ADD1: variants seen among roughly 807,000 people sequenced by gnomAD.
ADD1 encodes the protein alpha-adducin.
A neutral mutation model predicts 80.5 loss-of-function variants in ADD1; 24 were observed. The ratio of observed to expected loss-of-function variants is 0.30; its 90% CI spans 0.22 to 0.42. The LOEUF (loss-of-function observed/expected upper bound fraction) is 0.42. ADD1 is among the 10% of genes least tolerant of loss of function. The pLI is 1.00. For missense variants in ADD1, 948 were observed against 1,019.0 expected (o/e 0.93, Z 0.95); for synonymous variants, 373 against 393.8 (o/e 0.95, Z 0.63).
intron 13 of ADD1, among the ~76,000 whole-genome samples, chr4:2,914,378 G>A (rs1738620899): frequency 6.6e-6 from 1 of 152,216 alleles, no homozygotes. Context: ...TTTGGGATAA[G>A]CTCCAGGAAC....
intron 14 of ADD1, among the ~76,000 whole-genome samples, chr4:2,922,748 C>A (rs1051940512): frequency 6.6e-6 from 1 of 152,216 alleles, no homozygotes; most frequent in Admixed American, 6.5e-5. Flanking sequence ...GCCAACCCTT[C>A]CCCCAGGTGC....
At chr4:2,864,037 T>G (rs1729187301) in intron 1 of ADD1, among the ~76,000 whole-genome samples, 1 of 152,200 alleles carries the variant, frequency 6.6e-6, no homozygotes, top group South Asian at 2.1e-4. Flanking sequence ...GTCTCTACCT[T>G]AGGGTAAGAC....
At chr4:2,898,646 C>T (rs762765493) in intron 8 of ADD1, 115 bp downstream of exon 8, 1 of 896,374 alleles carries the variant, frequency 1.1e-6, no homozygotes, top group Non-Finnish European at 1.8e-6. Flanking sequence ...AATCTCTTTG[C>T]CAAAGATAAG....
At position 2,849,392 on chromosome 4, in the gene ADD1, C is replaced by T. The variant is rs571207060; in HGVS notation, c.-21+5368C>T. ...ATACTGTTATCTGTATTAGAACAGACGAGCTCTGCATCTAGGCCTTGGGCC... is the reference window on the plus strand; with the variant it reads ...ATACTGTTATCTGTATTAGAACAGATGAGCTCTGCATCTAGGCCTTGGGCC... On this transcript the variant is annotated intron_variant, in intron 1 of 15. Coordinates refer to ENST00000683351, the MANE Select transcript of ADD1 (RefSeq NM_001354761.2). Among the ~76,000 whole-genome samples, 26 of 152,268 alleles carry T rather than the reference C, an allele frequency of 1.7e-4. 1 individual carries two copies. In the South Asian group the frequency reaches 4.3e-3, roughly 25 times the overall value.
intron 1 of ADD1, among the ~76,000 whole-genome samples, chr4:2,860,435 T>G (rs997014507): frequency 1.3e-5 from 2 of 152,248 alleles, no homozygotes; most frequent in South Asian, 2.1e-4. Context: ...AGTTTGTTGC[T>G]GTACTCCAAG....
rs556534212 is a variant in ADD1, at chr4:2,846,152, AT to A, written c.-21+2136del. Among the ~76,000 whole-genome samples, 233 of 152,194 alleles carry A rather than the reference AT, an allele frequency of 1.5e-3. 1 individual carries two copies. Among genetic ancestry groups the A allele is most frequent in the Admixed American group, 3.6e-3 (55 of 15,286 alleles). On this transcript the variant is annotated intron_variant, in intron 1 of 15. Coordinates refer to ENST00000683351, the MANE Select transcript of ADD1 (RefSeq NM_001354761.2). Reference sequence around the variant, plus strand: ...CAGTGTTAAAATTGTCAGAATTCTCATTTTTTTTCTTAACAATTTCAATCGA... The same window carrying A: ...CAGTGTTAAAATTGTCAGAATTCTCATTTTTTTCTTAACAATTTCAATCGA...
intron 4 of ADD1, among the ~76,000 whole-genome samples, chr4:2,886,209 C>T (rs1198715760): frequency 6.6e-6 from 1 of 152,218 alleles, no homozygotes; most frequent in African/African-American, 2.4e-5. Context: ...AATGTTTCCT[C>T]CATACTCACA....
chr4:2,871,712 C>T (rs926286665), intron 1 of ADD1, among the ~76,000 whole-genome samples: 6 of 152,208 alleles, frequency 3.9e-5, no homozygotes, highest in African/African-American at 1.4e-4. Context: ...TCTTATGTAA[C>T]TTCATTTCCC....
intron 3 of ADD1, among the ~76,000 whole-genome samples, 155 bp from the exon 4 acceptor site, chr4:2,884,360 C>T (rs1008215513): frequency 1.3e-5 from 2 of 152,326 alleles, no homozygotes; most frequent in East Asian, 1.9e-4. Flanking sequence ...TGGTAAGTCT[C>T]GCTTTGTTGC....
intron 14 of ADD1, among the ~76,000 whole-genome samples, chr4:2,915,522 T>C (rs1438082169): frequency 1.3e-5 from 2 of 152,144 alleles, no homozygotes; most frequent in Non-Finnish European, 2.9e-5. Flanking sequence ...GCACCTGTAG[T>C]CCCAGCTACT....
intron 1 of ADD1, among the ~76,000 whole-genome samples, chr4:2,872,153 A>C (rs945302213): frequency 3.3e-5 from 5 of 152,318 alleles, no homozygotes; most frequent in African/African-American, 9.6e-5. Flanking sequence ...ATGTGGAGGA[A>C]GCAGATGTCA....
At chr4:2,874,223 A>G (rs1730888109) in intron 1 of ADD1, among the ~76,000 whole-genome samples, 1 of 151,872 alleles carries the variant, frequency 6.6e-6, no homozygotes, top group East Asian at 1.9e-4. Context: ...CTCAAAAACA[A>G]AGAGAAAAAA....
chr4:2,899,527 T>C (rs1360482859), intron 9 of ADD1, 92 bp downstream of exon 9: 1 of 1,385,732 alleles, frequency 7.2e-7, no homozygotes, highest in Admixed American at 1.9e-5. Flanking sequence ...CTGTCTTTTA[T>C]GCAGTATCTG....
At chr4:2,849,883 C>T (rs1226722090) in intron 1 of ADD1, among the ~76,000 whole-genome samples, 3 of 152,080 alleles carry the variant, frequency 2.0e-5, no homozygotes, top group African/African-American at 7.2e-5. Context: ...ACTTAGCTGC[C>T]CCAAGCCTCA....
chr4:2,921,789 G>T (rs1021022498), intron 14 of ADD1, among the ~76,000 whole-genome samples: 1 of 151,798 alleles, frequency 6.6e-6, no homozygotes, highest in African/African-American at 2.4e-5. Context: ...ATGTAGCTTT[G>T]GTCTTTTCAC....
intron 12 of ADD1, 172 bp from the exon 13 acceptor site, chr4:2,909,166 GC>G (rs761305892): frequency 2.6e-5 from 16 of 620,214 alleles, no homozygotes; most frequent in Non-Finnish European, 4.7e-5. Context: ...GATTTGTCCA[GC>G]CGTGGTCCTG....
In ADD1 at chr4:2,875,942, G is replaced by A; in HGVS notation, c.27G>A (p.Val9=). ...TGAATGGTGATTCTCGTGCTGCGGT[G>A]GTGACCTCACCACCCCCGACCACAG... MNGDSRAA[V]VTSPPPTTAP... The change falls in exon 2 of 16, where the codon GTG becomes GTA. Residue 9 remains valine, a synonymous_variant. Coordinates refer to ENST00000683351, the MANE Select transcript of ADD1 (RefSeq NM_001354761.2). 1.2e-6 allele frequency: 2 copies of A among 1,610,282 alleles called. No individual in the cohort carries two copies. The highest frequency in any genetic ancestry group is 1.3e-5 in the African/African-American group (1 of 74,862).
At chr4:2,907,689 A>G (rs1448345181) in intron 10 of ADD1, 54 bp from the exon 11 acceptor site, 26 of 1,400,494 alleles carry the variant, frequency 1.9e-5, no homozygotes, top group Admixed American at 3.4e-5. Context: ...ATTGGATGCT[A>G]TGTCACTTAT....
intron 2 of ADD1, among the ~76,000 whole-genome samples, chr4:2,878,177 C>T (rs1731663579): frequency 6.6e-6 from 1 of 152,012 alleles, no homozygotes; most frequent in African/African-American, 2.4e-5. Flanking sequence ...CTGTGTGTGG[C>T]AGAATCATTG....
Sources: allele counts gnomAD v4.1 joint callset (sites outside exome capture counted in the v4.1 genomes callset), GRCh38; gene constraint gnomAD v4.1.1; transcripts MANE v1.5; gene names NCBI Gene and HGNC (gene_info 2026-07-23, HGNC 2026-07-21).